Variants in POM121C observed in about 807,000 individuals in gnomAD.
POM121C encodes nuclear envelope pore membrane protein POM 121C.
Under a neutral mutation model 66.4 loss-of-function variants are expected in POM121C, and 20 were observed. The observed-to-expected ratio is 0.30, with a 90% CI of 0.21 to 0.44. The LOEUF is 0.44. Ranked by LOEUF, POM121C falls within the 20% of genes least tolerant of loss-of-function variation. The probability of loss-of-function intolerance (pLI) is 1.00; values close to 1 mark genes in which losing one functional copy is unlikely to be tolerated. For synonymous variants in POM121C, 286 were observed against 528.0 expected, an observed-to-expected ratio of 0.54 and a Z score of 6.28; for missense variants, 580 against 1,225.7, an observed-to-expected ratio of 0.47 and a Z score of 7.87.
intron 5 of POM121C, chr7:75,440,713 T>A (rs1371123799): frequency 1.4e-5 from 8 of 582,338 alleles, no homozygotes; most frequent in Non-Finnish European, 2.5e-5. Flanking sequence ...ACATGGCTAA[T>A]AGCTGTCAGC....
chr7:75,485,749 A>C, intron 1 of POM121C, 115 bp downstream of exon 1: 1 of 390,022 alleles, frequency 2.6e-6, no homozygotes, highest in South Asian at 1.8e-5. Context: ...AACCCAACAC[A>C]TGTCTCTCCG....
chr7:75,462,825 G>A (rs2116485495), intron 3 of POM121C, among the ~76,000 whole-genome samples: 1 of 152,116 alleles, frequency 6.6e-6, no homozygotes, highest in African/African-American at 2.4e-5. Context: ...GACAGCATGG[G>A]AGAAGAAGCT....
At chr7:75,476,770 A>C (rs2116535163) in intron 1 of POM121C, among the ~76,000 whole-genome samples, 1 of 152,332 alleles carries the variant, frequency 6.6e-6, no homozygotes, top group Non-Finnish European at 1.5e-5. Context: ...ATAACCAAAC[A>C]AAATCCAGTA....
Position 75,485,766 on chromosome 7 carries a change from A to C in POM121C, c.-458+98T>G, listed in dbSNP as rs188575635. ...CCCAACACATGTCTCTCCGGCAAGC[A>C]ATCGGGACCCTCCCTCTGCCCCACA... On this transcript the variant is annotated intron_variant, in intron 1 of 14. Transcript: ENST00000615331. 3.4e-3 allele frequency: 1,420 copies of C among 413,816 alleles called. 17 individuals carry two copies. Among genetic ancestry groups the C allele is most frequent in the African/African-American group, 0.026 (1,250 of 48,576 alleles). 25.6% of individuals were successfully genotyped at this position (413,816 alleles called of 1,614,324 possible). A position where few individuals can be genotyped will look rare whatever the true frequency, so the allele number is the denominator to read the frequency against.
intron 3 of POM121C, among the ~76,000 whole-genome samples, chr7:75,463,559 G>A (rs1164303705): frequency 6.6e-6 from 1 of 150,778 alleles, no homozygotes; most frequent in East Asian, 1.9e-4. Context: ...GACCGCACAT[G>A]TAAAAGAAGA....
chr7:75,480,600 G>A (rs1391978263), intron 1 of POM121C, among the ~76,000 whole-genome samples: 2 of 152,022 alleles, frequency 1.3e-5, no homozygotes, highest in African/African-American at 2.4e-5. Flanking sequence ...AAATTTAAGA[G>A]GTTCCATGTA....
At chr7:75,423,912 C>T in intron 12 of POM121C, 137 bp downstream of exon 12, 1 of 1,493,382 alleles carries the variant, frequency 6.7e-7, no homozygotes, top group Non-Finnish European at 9.0e-7. Flanking sequence ...AAACGTAGGC[C>T]CGCTCCGGTG....
intron 7 of POM121C, among the ~76,000 whole-genome samples, chr7:75,432,509 T>C (rs1458630491): frequency 2.6e-5 from 4 of 152,128 alleles, no homozygotes; most frequent in Non-Finnish European, 5.9e-5. Flanking sequence ...CAGGGTACAC[T>C]ATAAAAGGTG....
In POM121C at chr7:75,421,744, C is replaced by T. The variant is rs782607947; in HGVS notation, c.2508G>A (p.Thr836=). 22 of 1,607,990 alleles carry T rather than the reference C, an allele frequency of 1.4e-5. No individual in the cohort carries two copies. The highest frequency in any genetic ancestry group is 1.1e-4 in the East Asian group (5 of 44,806). The part of the protein sequence containing the change: ...VFGSTTPSPF[T]FGGSAAPAGS... Reference sequence around the variant, plus strand: ...CAGCGGGGGCTGCCGAACCCCCAAACGTGAAGGGTGATGGTGTTGTGCTGC... The same window carrying T: ...CAGCGGGGGCTGCCGAACCCCCAAATGTGAAGGGTGATGGTGTTGTGCTGC... The change falls in exon 13 of 15, where the codon ACG becomes ACA. Residue 836 remains threonine (T), a synonymous_variant. Transcript: ENST00000615331.
At position 75,440,961 on chromosome 7, in the gene POM121C, T is replaced by C. The variant is rs1554473853; in HGVS notation, c.220A>G (p.Lys74Glu). 12 of 1,614,030 alleles carry C rather than the reference T, an allele frequency of 7.4e-6. No individual in the cohort carries two copies. The highest frequency in any genetic ancestry group is 1.0e-5 in the Non-Finnish European group (12 of 1,179,876). ...DQIFLDGQEN[K>E]RRRHDSSGSG... ...CTCTCCTGAGCCTGTTACCTTCTTT[T>C]ATTTTCCTGGCCATCAAGGAATATT... The change falls in exon 5 of 15, where the codon AAA (lysine) becomes GAA (glutamate). Residue 74 changes from lysine to glutamate, a missense_variant. Physicochemically the swap from Lys to Glu is moderately conservative, Grantham distance 56. Coordinates refer to ENST00000615331, the MANE Select transcript of POM121C (RefSeq NM_001099415.3).
In POM121C at chr7:75,455,845, G is replaced by C. The variant is rs1461901086; in HGVS notation, c.-151-14198C>G. The stretch of plus-strand genomic sequence containing the variant: ...CACTCTGGCCTGTGGGCTCTTTGAA[G>C]ACATGGGCTGTATCTCGCCTATCTT... On this transcript the variant is annotated intron_variant, in intron 3 of 14. Transcript: ENST00000615331. Among the ~76,000 whole-genome samples the C allele has an allele frequency of 2.0e-5, 3 of 152,270 alleles. No individual in the cohort carries two copies. The South Asian group carries it at 6.2e-4, about 32-fold the overall frequency.
At chr7:75,481,255 ATATAT>A (rs1471264760) in intron 1 of POM121C, among the ~76,000 whole-genome samples, 4 of 150,992 alleles carry the variant, frequency 2.6e-5, no homozygotes, top group East Asian at 1.9e-4. Context: ...GCTATCAAAC[ATATAT>A]TATATGTATA....
At chr7:75,477,351 G>A (rs1414856479) in intron 1 of POM121C, among the ~76,000 whole-genome samples, 1 of 152,208 alleles carries the variant, frequency 6.6e-6, no homozygotes, top group African/African-American at 2.4e-5. Flanking sequence ...AGAAGGCCGA[G>A]GCGGGCAGAT....
intron 1 of POM121C, among the ~76,000 whole-genome samples, chr7:75,483,055 G>A (rs1220797427): frequency 2.6e-5 from 4 of 151,994 alleles, no homozygotes; most frequent in Admixed American, 6.5e-5. Context: ...AATATTTGAC[G>A]GATGATCACG....
intron 3 of POM121C, among the ~76,000 whole-genome samples, chr7:75,465,715 T>G (rs1234990165): frequency 3.5e-5 from 5 of 144,336 alleles, no homozygotes; most frequent in Non-Finnish European, 7.5e-5. Context: ...ATTGTGCCAC[T>G]GCACTCCAGC....
intron 1 of POM121C, among the ~76,000 whole-genome samples, chr7:75,482,416 G>C (rs782583943): frequency 6.6e-6 from 1 of 152,146 alleles, no homozygotes; most frequent in Non-Finnish European, 1.5e-5. Flanking sequence ...TTTCTAGGCC[G>C]GGAGCAGTGG....
intron 1 of POM121C, among the ~76,000 whole-genome samples, chr7:75,479,075 G>C (rs1792204517): frequency 6.6e-6 from 1 of 151,912 alleles, no homozygotes; most frequent in Admixed American, 6.6e-5. Context: ...AATGTAAGCA[G>C]GAAGACAACA....
chr7:75,436,050 C>CAAA, intron 7 of POM121C, among the ~76,000 whole-genome samples: 1 of 136,008 alleles, frequency 7.4e-6, no homozygotes, highest in South Asian at 2.3e-4. Flanking sequence ...GACTCCGTCT[C>CAAA]AAAAAAAAAA....
chr7:75,469,275 T>A (rs1179533316), intron 3 of POM121C, among the ~76,000 whole-genome samples: 6 of 152,086 alleles, frequency 3.9e-5, no homozygotes, highest in Admixed American at 6.6e-5. Context: ...AATTTTTTAT[T>A]TTTTTAGAGA....
Sources: allele counts gnomAD v4.1 joint callset (sites outside exome capture counted in the v4.1 genomes callset), GRCh38; gene constraint gnomAD v4.1.1; transcripts MANE v1.5; gene names NCBI Gene and HGNC (gene_info 2026-07-23, HGNC 2026-07-21).